Variants in FUT8 observed in about 807,000 individuals in gnomAD.
FUT8 encodes the protein fucosyltransferase 8, also known as alpha-(1,6)-fucosyltransferase.
Under a neutral mutation model 71.3 loss-of-function variants are expected in FUT8, and 29 were observed. That is an observed-to-expected ratio of 0.41 (90% CI 0.30 to 0.55). The LOEUF (loss-of-function observed/expected upper bound fraction) is 0.55, where lower values mean the gene tolerates loss of function less well. FUT8 is among the 20% of genes least tolerant of loss of function. The pLI, the probability that FUT8 is intolerant of heterozygous loss-of-function variation, is 0.34. For missense variants in FUT8, 544 were observed against 702.1 expected (o/e 0.77, Z 2.55); for synonymous variants, 254 against 239.3 (o/e 1.06, Z -0.57).
intron 5 of FUT8, among the ~76,000 whole-genome samples, chr14:65,623,094 G>T (rs555261709): frequency 6.6e-6 from 1 of 152,032 alleles, no homozygotes; most frequent in Non-Finnish European, 1.5e-5. Context: ...ACTTGCCATG[G>T]TGCCCAACTC....
In FUT8 at chr14:65,669,395, T is replaced by C. The variant is rs751563422; in HGVS notation, c.750T>C (p.Tyr250=). ...TCTTGGAATCTCAGAATTGGCGCTATGCTACTGGTGGATGGGAGACTGTAT... is the reference window on the plus strand; with the variant it reads ...TCTTGGAATCTCAGAATTGGCGCTACGCTACTGGTGGATGGGAGACTGTAT... ...TLILESQNWR[Y]ATGGWETVFR... is the part of the protein sequence containing the mutation. The change falls in exon 7 of 11, where the codon TAT becomes TAC. Residue 250 remains tyrosine (Y), a synonymous_variant. Coordinates refer to ENST00000673929, the MANE Select transcript of FUT8 (RefSeq NM_001371533.1). This position sits in a 1 kb window ranked among gnomAD's most constrained non-coding sequence, Gnocchi z 4.5. 2 of 1,613,704 alleles carry C rather than the reference T, an allele frequency of 1.2e-6. No homozygotes were observed. The highest frequency in any genetic ancestry group is 2.7e-5 in the African/African-American group (2 of 74,880).
chr14:65,386,491 G>A, the FUT8 span, among the ~76,000 whole-genome samples: 2 of 120,838 alleles, frequency 1.7e-5, no homozygotes, highest in Non-Finnish European at 3.2e-5. Context: ...GCCACAGAGT[G>A]AGACCTCGTC....
At chr14:65,485,352 C>G (rs928415561) in intron 2 of FUT8, among the ~76,000 whole-genome samples, 10 of 152,034 alleles carry the variant, frequency 6.6e-5, no homozygotes, top group African/African-American at 2.4e-4. Context: ...ATTAGAAATA[C>G]TGTTGAATTT....
At chr14:65,375,064 A>G in the FUT8 span, among the ~76,000 whole-genome samples, 1 of 152,152 alleles carries the variant, frequency 6.6e-6, no homozygotes, top group African/African-American at 2.4e-5. Context: ...AAATAAACAC[A>G]GGGGTGGGGT....
At chr14:65,441,102 TTTC>T (rs1400635724) in intron 1 of FUT8, among the ~76,000 whole-genome samples, 4 of 152,192 alleles carry the variant, frequency 2.6e-5, no homozygotes, top group African/African-American at 9.6e-5. Flanking sequence ...TAGTAGTTAA[TTTC>T]TTATTTAGAT....
At chr14:65,491,875 A>G (rs1371227722) in intron 2 of FUT8, among the ~76,000 whole-genome samples, 1 of 152,150 alleles carries the variant, frequency 6.6e-6, no homozygotes, top group African/African-American at 2.4e-5. Context: ...CATCATCACA[A>G]TCTTTTTGTG....
At chr14:65,621,040 T>G (rs1889581003) in intron 5 of FUT8, among the ~76,000 whole-genome samples, 1 of 152,122 alleles carries the variant, frequency 6.6e-6, no homozygotes, top group Non-Finnish European at 1.5e-5. Context: ...AAAAGGGTGT[T>G]TTTCATCTAG....
intron 3 of FUT8, among the ~76,000 whole-genome samples, chr14:65,609,109 A>C (rs1161174183): frequency 6.6e-6 from 1 of 151,792 alleles, no homozygotes; most frequent in Non-Finnish European, 1.5e-5. Flanking sequence ...AGCCTGGCCA[A>C]CATGGCAAAA....
chr14:65,459,694 T>G (rs2065944485), intron 2 of FUT8, among the ~76,000 whole-genome samples: 1 of 152,144 alleles, frequency 6.6e-6, no homozygotes, highest in Admixed American at 6.6e-5. Context: ...GTCTTTATTT[T>G]CTTATTTTAA....
At chr14:65,595,602 CTTTTTTTT>C (rs34129010) in intron 3 of FUT8, among the ~76,000 whole-genome samples, 2 of 81,756 alleles carry the variant, frequency 2.4e-5, no homozygotes, top group East Asian at 7.5e-4. Context: ...ACACCATTCT[CTTTTTTTT>C]TTTTTTTTTT....
chr14:65,629,829 TACACACACACAC>T (rs3079115), intron 6 of FUT8, among the ~76,000 whole-genome samples: 2 of 147,996 alleles, frequency 1.4e-5, no homozygotes, highest in African/African-American at 2.5e-5. Context: ...CTTACACACG[TACACACACACAC>T]ACACACACAC....
At position 65,672,500 on chromosome 14, in the gene FUT8, C is replaced by T. The variant is rs142452835; in HGVS notation, c.835+3020C>T. Among the ~76,000 whole-genome samples, 19 of 152,270 alleles carry T rather than the reference C, an allele frequency of 1.2e-4. No homozygotes were observed. The East Asian group carries it at 3.1e-3, about 25-fold the overall frequency. Reference sequence around the variant, plus strand: ...TTAGAGACAGAGTCTTGCTCTGACACCCAGGCTGGAGTGCGGGGGCATGAT... The same window carrying T: ...TTAGAGACAGAGTCTTGCTCTGACATCCAGGCTGGAGTGCGGGGGCATGAT... On this transcript the variant is annotated intron_variant, in intron 7 of 10. Coordinates refer to ENST00000673929, the MANE Select transcript of FUT8 (RefSeq NM_001371533.1).
intron 2 of FUT8, among the ~76,000 whole-genome samples, chr14:65,486,470 T>G (rs574001912): frequency 1.3e-4 from 20 of 152,246 alleles, no homozygotes; most frequent in African/African-American, 2.4e-5. Flanking sequence ...TTGGTGAACA[T>G]ATAGGAAGAG....
chr14:65,623,211 T>A (rs1889720132), intron 5 of FUT8, among the ~76,000 whole-genome samples: 1 of 152,136 alleles, frequency 6.6e-6, no homozygotes, highest in South Asian at 2.1e-4. Flanking sequence ...CTTCAACATT[T>A]TGAATCAGGC....
At chr14:65,619,492 A>C (rs551852957) in intron 5 of FUT8, among the ~76,000 whole-genome samples, 3 of 152,294 alleles carry the variant, frequency 2.0e-5, no homozygotes, top group South Asian at 4.1e-4. Flanking sequence ...TCTAAGATTC[A>C]ACTCACCTGA....
intron 2 of FUT8, among the ~76,000 whole-genome samples, chr14:65,480,979 G>A (rs975208670): frequency 2.0e-5 from 3 of 151,990 alleles, no homozygotes; most frequent in Admixed American, 6.6e-5. Flanking sequence ...CATGACCATC[G>A]TTTTCAGCCT....
the FUT8 span, among the ~76,000 whole-genome samples, chr14:65,388,597 G>A: frequency 3.3e-5 from 5 of 152,062 alleles, no homozygotes; most frequent in African/African-American, 1.2e-4. Context: ...CCCCGTCTCT[G>A]CTAAAATACA....
chr14:65,397,029 A>C, the FUT8 span, among the ~76,000 whole-genome samples: 1 of 152,172 alleles, frequency 6.6e-6, no homozygotes, highest in African/African-American at 2.4e-5. The surrounding 1 kb of genome is among the most constrained non-coding windows in gnomAD (Gnocchi z 4.2). Context: ...TTTCTTGCTC[A>C]TGTCACAGTC....
At chr14:65,644,671 T>C (rs1041487373) in intron 6 of FUT8, among the ~76,000 whole-genome samples, 5 of 152,188 alleles carry the variant, frequency 3.3e-5, no homozygotes, top group Non-Finnish European at 7.3e-5. Flanking sequence ...AATTATATTC[T>C]TTAATACTGA....
Sources: allele counts gnomAD v4.1 joint callset (sites outside exome capture counted in the v4.1 genomes callset), GRCh38; gene constraint gnomAD v4.1.1; non-coding constraint Gnocchi (gnomAD v3.1); transcripts MANE v1.5; gene names NCBI Gene and HGNC (gene_info 2026-07-23, HGNC 2026-07-21).